Variants in TASP1 observed in about 807,000 individuals in gnomAD.
TASP1 encodes the protein taspase 1.
In TASP1, 16 loss-of-function variants were observed where a neutral mutation model predicts 56.6. That is an observed-to-expected ratio of 0.28 (90% CI 0.19 to 0.43). The LOEUF (loss-of-function observed/expected upper bound fraction) is 0.43. TASP1 is among the 20% of genes least tolerant of loss of function. The pLI, the probability that TASP1 is intolerant of heterozygous loss-of-function variation, is 1.00. For missense variants in TASP1, 393 were observed against 511.6 expected (o/e 0.77, Z 2.24); for synonymous variants, 179 against 184.2 (o/e 0.97, Z 0.23).
At chr20:13,135,955 A>G in the TASP1 span, among the ~76,000 whole-genome samples, 2 of 152,362 alleles carry the variant, frequency 1.3e-5, no homozygotes, top group South Asian at 2.1e-4. Context: ...TCAAGTGACC[A>G]GTAATGTCGG....
At chr20:13,129,828 T>C in the TASP1 span, among the ~76,000 whole-genome samples, 1 of 152,224 alleles carries the variant, frequency 6.6e-6, no homozygotes, top group Admixed American at 6.5e-5. Context: ...CCTGAGGTAG[T>C]AGATATTTCC....
At chr20:13,194,635 A>G in the TASP1 span, among the ~76,000 whole-genome samples, 1 of 151,434 alleles carries the variant, frequency 6.6e-6, no homozygotes, top group African/African-American at 2.4e-5. Context: ...GTTTCACCCT[A>G]AGGTTGGAGA....
chr20:13,543,200 C>G (rs1022151569), intron 8 of TASP1, among the ~76,000 whole-genome samples: 4 of 152,174 alleles, frequency 2.6e-5, no homozygotes, highest in African/African-American at 9.7e-5. Context: ...GTACTTCATA[C>G]AGTGCAAATG....
At chr20:13,587,846 C>A (rs2047365110) in intron 4 of TASP1, among the ~76,000 whole-genome samples, 1 of 152,032 alleles carries the variant, frequency 6.6e-6, no homozygotes, top group African/African-American at 2.4e-5. Context: ...AAAGGCCAGG[C>A]CAGGCGCAGT....
intron 11 of TASP1, among the ~76,000 whole-genome samples, chr20:13,461,182 T>C (rs1016707194): frequency 6.6e-6 from 1 of 152,174 alleles, no homozygotes; most frequent in Non-Finnish European, 1.5e-5. Context: ...TCCATCACCT[T>C]TGGATTTCTG....
intron 13 of TASP1, among the ~76,000 whole-genome samples, chr20:13,397,557 A>C (rs1338026362): frequency 1.3e-5 from 2 of 152,322 alleles, no homozygotes; most frequent in Middle Eastern, 3.4e-3. Flanking sequence ...CTTACCATGA[A>C]GGAGGATTCT....
the TASP1 span, among the ~76,000 whole-genome samples, chr20:13,213,878 AC>A: frequency 1.9e-4 from 29 of 152,164 alleles, no homozygotes; most frequent in African/African-American, 7.0e-4. Flanking sequence ...ACATACAAAT[AC>A]AAACTGAAGG....
intron 10 of TASP1, among the ~76,000 whole-genome samples, chr20:13,495,672 C>A (rs1356274688): frequency 6.6e-6 from 1 of 152,050 alleles, no homozygotes; most frequent in Non-Finnish European, 1.5e-5. Flanking sequence ...AGACAATATA[C>A]AATTTGGGAC....
chr20:13,523,842 G>T (rs1180670387), intron 10 of TASP1, among the ~76,000 whole-genome samples: 1 of 152,108 alleles, frequency 6.6e-6, no homozygotes, highest in Admixed American at 6.5e-5. Flanking sequence ...GGGAAATGAA[G>T]CCTACATCTT....
chr20:13,287,547 GCA>G, the TASP1 span, among the ~76,000 whole-genome samples: 1 of 152,070 alleles, frequency 6.6e-6, no homozygotes, highest in African/African-American at 2.4e-5. Flanking sequence ...TTTCCTTTTT[GCA>G]CACCACTCAT....
the TASP1 span, among the ~76,000 whole-genome samples, chr20:13,371,028 T>A: frequency 6.6e-6 from 1 of 151,808 alleles, no homozygotes; most frequent in Non-Finnish European, 1.5e-5. Flanking sequence ...CCTCTTCTAT[T>A]TCTGATTTTA....
the TASP1 span, among the ~76,000 whole-genome samples, chr20:13,348,431 G>A: frequency 6.6e-5 from 10 of 152,160 alleles, no homozygotes; most frequent in African/African-American, 9.7e-5. Context: ...GGAACCCCCC[G>A]TGGAATGAAA....
chr20:13,137,153 G>C, the TASP1 span, among the ~76,000 whole-genome samples: 2 of 152,164 alleles, frequency 1.3e-5, no homozygotes, highest in Non-Finnish European at 2.9e-5. Flanking sequence ...ATTGCTATCA[G>C]ACCAAGACCT....
At chr20:13,202,288 A>G in the TASP1 span, among the ~76,000 whole-genome samples, 105 of 152,360 alleles carry the variant, frequency 6.9e-4, 1 homozygote, top group Middle Eastern at 3.4e-3. Context: ...AAAGCAACGT[A>G]CAGAAGCACA....
At chr20:13,447,894 T>C (rs908476638) in intron 11 of TASP1, among the ~76,000 whole-genome samples, 4 of 152,270 alleles carry the variant, frequency 2.6e-5, no homozygotes, top group East Asian at 1.9e-4. Context: ...TATTATGTGT[T>C]GCAAATATTT....
chr20:13,555,399 A>AT (rs980951816), intron 8 of TASP1, among the ~76,000 whole-genome samples: 6 of 151,572 alleles, frequency 4.0e-5, no homozygotes, highest in African/African-American at 1.2e-4. Flanking sequence ...AAAAAAAAAA[A>AT]AAAAAAATTA....
the TASP1 span, among the ~76,000 whole-genome samples, chr20:13,205,346 G>T: frequency 1.2e-4 from 18 of 152,190 alleles, no homozygotes; most frequent in African/African-American, 4.3e-4. Context: ...AAAATCAAGT[G>T]TCTGTTCAAA....
chr20:13,381,974 A>C, the TASP1 span, among the ~76,000 whole-genome samples: 1 of 152,194 alleles, frequency 6.6e-6, no homozygotes, highest in African/African-American at 2.4e-5. Context: ...CCAGCCTCTC[A>C]GATGTGCACA....
chr20:13,332,275 T>G, the TASP1 span, among the ~76,000 whole-genome samples: 1 of 152,300 alleles, frequency 6.6e-6, no homozygotes, highest in South Asian at 2.1e-4. Flanking sequence ...GTGGGGCCCC[T>G]GTCAAAAAGC....
Sources: allele counts gnomAD v4.1 joint callset (sites outside exome capture counted in the v4.1 genomes callset), GRCh38; gene constraint gnomAD v4.1.1; transcripts MANE v1.5; gene names NCBI Gene and HGNC (gene_info 2026-07-23, HGNC 2026-07-21).